Variants in IKZF3 observed in about 807,000 individuals in gnomAD.
IKZF3 encodes the protein zinc finger protein Aiolos.
A neutral mutation model predicts 49.0 loss-of-function variants in IKZF3; 10 were observed. The ratio of observed to expected loss-of-function variants is 0.20; its 90% CI spans 0.13 to 0.35. The LOEUF is 0.35. IKZF3 is among the 10% of genes least tolerant of loss of function. IKZF3 has a pLI of 1.00. For missense variants in IKZF3, 498 were observed against 664.8 expected (o/e 0.75, Z 2.76); for synonymous variants, 209 against 228.2 (o/e 0.92, Z 0.76).
intron 1 of IKZF3, chr17:39,836,060 G>A: frequency 1.5e-6 from 1 of 651,840 alleles, no homozygotes. Flanking sequence ...CCAGCATCTT[G>A]TTCTGCTGCT....
Position 39,792,553 on chromosome 17 carries a change from A to T in IKZF3, c.424+120T>A, listed in dbSNP as rs191331668. 280 of 972,808 alleles carry T rather than the reference A, an allele frequency of 2.9e-4. 1 individual carries two copies. The African/African-American group carries it at 4.1e-3, about 14-fold the overall frequency. 60.3% of individuals were successfully genotyped at this position (972,808 alleles called of 1,614,324 possible). ...TGAACAGCAATGCAGAGAGAGAGATACATCAGCATTATAGCAAAAATCAAT... is the reference window on the plus strand; with the variant it reads ...TGAACAGCAATGCAGAGAGAGAGATTCATCAGCATTATAGCAAAAATCAAT... On this transcript the variant is annotated intron_variant, in intron 4 of 7. Coordinates refer to ENST00000346872, the MANE Select transcript of IKZF3 (RefSeq NM_012481.5).
intron 1 of IKZF3, chr17:39,839,380 G>T: frequency 1.7e-6 from 1 of 600,500 alleles, no homozygotes. Context: ...TACAGACTCA[G>T]CTTGGTTCTT....
intron 3 of IKZF3, among the ~76,000 whole-genome samples, chr17:39,806,138 C>T (rs1195831166): frequency 2.0e-5 from 3 of 151,998 alleles, no homozygotes; most frequent in Non-Finnish European, 2.9e-5. Flanking sequence ...ATTTGACTTC[C>T]GTGAATTTTC....
rs910932759 is a variant in IKZF3 at position 39,864,295 on chromosome 17, C to G, written c.-169G>C. ...ACTGAAAAGGGCAGGAGCCGGCGACCTGCCGGTGCGCGGGGTTACAGCGGC... is the reference window on the plus strand; with the variant it reads ...ACTGAAAAGGGCAGGAGCCGGCGACGTGCCGGTGCGCGGGGTTACAGCGGC... On this transcript the variant is annotated 5_prime_UTR_variant, in exon 1 of 8. Coordinates refer to ENST00000346872, the MANE Select transcript of IKZF3 (RefSeq NM_012481.5). 2 of 681,374 alleles carry G rather than the reference C, an allele frequency of 2.9e-6. No individual in the cohort carries two copies. The highest frequency in any genetic ancestry group is 1.9e-5 in the African/African-American group (1 of 51,688). The allele number at this position is 681,374 out of a possible 1,614,324, so 42.2% of individuals were successfully genotyped here.
chr17:39,842,564 G>A (rs1222208133), intron 1 of IKZF3, among the ~76,000 whole-genome samples: 14 of 152,148 alleles, frequency 9.2e-5, no homozygotes, highest in Non-Finnish European at 1.9e-4. Context: ...GCCAAATCTG[G>A]GACAAGGGAG....
At chr17:39,811,560 T>G (rs2061562127) in intron 3 of IKZF3, among the ~76,000 whole-genome samples, 1 of 152,208 alleles carries the variant, frequency 6.6e-6, no homozygotes. Context: ...GTTGCGGACC[T>G]GGAAATTGAT....
At chr17:39,818,024 C>T (rs868203533) in intron 3 of IKZF3, among the ~76,000 whole-genome samples, 1 of 152,116 alleles carries the variant, frequency 6.6e-6, no homozygotes, top group Admixed American at 6.5e-5. Flanking sequence ...TTATACAAAC[C>T]TAGACAGTAT....
chr17:39,841,636 A>T (rs2062470494), intron 1 of IKZF3, among the ~76,000 whole-genome samples: 1 of 152,180 alleles, frequency 6.6e-6, no homozygotes, highest in Admixed American at 6.5e-5. Context: ...AAGTAAATAT[A>T]ATAAGGATAA....
intron 1 of IKZF3, among the ~76,000 whole-genome samples, chr17:39,853,821 C>T (rs536444630): frequency 1.4e-5 from 2 of 144,940 alleles, no homozygotes; most frequent in Non-Finnish European, 3.0e-5. Flanking sequence ...GCAACAAGAG[C>T]GAAACTCCGT....
At chr17:39,807,609 G>A (rs537850662) in intron 3 of IKZF3, among the ~76,000 whole-genome samples, 5 of 145,386 alleles carry the variant, frequency 3.4e-5, no homozygotes, top group South Asian at 2.2e-4. Flanking sequence ...CTACTCGGGC[G>A]GCTGAGGTGG....
chr17:39,824,429 A>C (rs2061902173), intron 3 of IKZF3, among the ~76,000 whole-genome samples: 1 of 152,154 alleles, frequency 6.6e-6, no homozygotes, highest in African/African-American at 2.4e-5. Flanking sequence ...TGATGTTGGA[A>C]TGAGTTAAGA....
intron 2 of IKZF3, among the ~76,000 whole-genome samples, chr17:39,829,750 G>A (rs888648661): frequency 1.2e-4 from 18 of 152,024 alleles, no homozygotes; most frequent in African/African-American, 4.1e-4. Context: ...TCAGGAGTTC[G>A]AGACCAGCCT....
chr17:39,766,496 G>T lies in IKZF3; in HGVS notation c.827-3C>A. On this transcript the variant is annotated splice_polypyrimidine_tract_variant and splice_region_variant and intron_variant, in intron 7 of 7. Coordinates refer to ENST00000346872, the MANE Select transcript of IKZF3 (RefSeq NM_012481.5). ...ATCAAAGCAGTGGCGCTTCTCACCTGGAACAAGTGACAGAAAGGGTTACAA... is the reference window on the plus strand; with the variant it reads ...ATCAAAGCAGTGGCGCTTCTCACCTTGAACAAGTGACAGAAAGGGTTACAA... The T allele has an allele frequency of 6.2e-7, 1 of 1,601,620 alleles. No individual in the cohort carries two copies. The highest frequency in any genetic ancestry group is 8.5e-7 in the Non-Finnish European group (1 of 1,174,378).
intron 3 of IKZF3, among the ~76,000 whole-genome samples, chr17:39,798,740 C>T (rs6503522): frequency 0.011 from 1,618 of 152,160 alleles, 29 homozygotes; most frequent in African/African-American, 0.036. Context: ...CTCCTGACCT[C>T]GTGATCCGCC....
In IKZF3 at chr17:39,824,112, C is replaced by T. The variant is rs188277070; in HGVS notation, c.163+5275G>A. On this transcript the variant is annotated intron_variant, in intron 3 of 7. Coordinates refer to ENST00000346872, the MANE Select transcript of IKZF3 (RefSeq NM_012481.5). ...ACTGTACCCTGCAAAGCCACAGGGG[C>T]GGAGCTGCCCAAAGCCATGGGAGCC... Among the ~76,000 whole-genome samples, 59 of 152,328 alleles carry T rather than the reference C, an allele frequency of 3.9e-4. 1 individual carries two copies. Among genetic ancestry groups the T allele is most frequent in the African/African-American group, 1.3e-3 (54 of 41,580 alleles).
At chr17:39,842,048 A>AAAAAAAAAAAAAAAAT in intron 1 of IKZF3, among the ~76,000 whole-genome samples, 1 of 148,034 alleles carries the variant, frequency 6.8e-6, no homozygotes. Flanking sequence ...AAAAAAAAAA[A>AAAAAAAAAAAAAAAAT]AAAAAAAAAA....
intron 3 of IKZF3, among the ~76,000 whole-genome samples, chr17:39,817,309 G>T (rs971714123): frequency 6.6e-6 from 1 of 152,080 alleles, no homozygotes; most frequent in East Asian, 1.9e-4. Context: ...TCTTTCAAAT[G>T]ACATTAAAAA....
At chr17:39,783,398 C>T (rs533200975) in intron 6 of IKZF3, among the ~76,000 whole-genome samples, 86 of 152,154 alleles carry the variant, frequency 5.7e-4, no homozygotes, top group Admixed American at 2.6e-3. Flanking sequence ...CTTGGCTCAC[C>T]ACAACCTCTG....
At chr17:39,857,048 G>T (rs142224603) in intron 1 of IKZF3, among the ~76,000 whole-genome samples, 1,845 of 152,170 alleles carry the variant, frequency 0.012, 38 homozygotes, top group African/African-American at 0.041. Context: ...CACCTTTGTG[G>T]AACTGCCTAC....
Sources: allele counts gnomAD v4.1 joint callset (sites outside exome capture counted in the v4.1 genomes callset), GRCh38; gene constraint gnomAD v4.1.1; transcripts MANE v1.5; gene names NCBI Gene and HGNC (gene_info 2026-07-23, HGNC 2026-07-21).